Variants in STK32A observed in about 807,000 individuals in gnomAD.
The protein encoded by STK32A is serine/threonine-protein kinase 32A.
In STK32A, 41 loss-of-function variants were observed where a neutral mutation model predicts 53.2. That is an observed-to-expected ratio of 0.77 (90% confidence interval 0.60 to 1.00). The LOEUF (loss-of-function observed/expected upper bound fraction) is 1.00, where lower values mean the gene tolerates loss of function less well. STK32A is among the 50% of genes least tolerant of loss of function. The pLI is 0.00. For missense variants in STK32A, 458 were observed against 485.8 expected, an observed-to-expected ratio of 0.94 and a Z score of 0.54; for synonymous variants, 166 against 162.8, an observed-to-expected ratio of 1.02 and a Z score of -0.15.
At position 147,323,981 on chromosome 5, in the gene STK32A, A is replaced by G; in HGVS notation, c.344A>G (p.Asn115Ser). ...GGDLRYHLQQNVHFKEETVKL... is the reference protein window; with the variant it reads ...GGDLRYHLQQSVHFKEETVKL... ...GACCTGCGTTATCACCTGCAACAGA[A>G]CGTCCACTTCAAGGAAGAAACAGTG... The change falls in exon 5 of 13, where the codon AAC (asparagine) becomes AGC (serine). Residue 115 changes from asparagine to serine, a missense_variant. Transcript: ENST00000397936. The G allele has an allele frequency of 1.2e-6, 2 of 1,613,044 alleles. No homozygotes were observed. The highest frequency in any genetic ancestry group is 1.7e-6 in the Non-Finnish European group (2 of 1,179,580).
intron 5 of STK32A, 71 bp downstream of exon 5, chr5:147,324,142 A>T: frequency 7.2e-7 from 1 of 1,384,824 alleles, no homozygotes; most frequent in South Asian, 1.4e-5. Context: ...TACCTTCAAT[A>T]AATTCTTATT....
intron 8 of STK32A, among the ~76,000 whole-genome samples, chr5:147,367,481 G>C (rs1302314583): frequency 1.3e-5 from 2 of 152,136 alleles, no homozygotes; most frequent in Non-Finnish European, 2.9e-5. Context: ...CTGGGTTTCA[G>C]GTGGGCTGAG....
intron 4 of STK32A, among the ~76,000 whole-genome samples, chr5:147,301,338 T>C (rs774741838): frequency 5.9e-5 from 9 of 152,052 alleles, no homozygotes; most frequent in African/African-American, 2.2e-4. Flanking sequence ...CCATGAAAGG[T>C]AGCTTTTCAG....
chr5:147,361,697 C>A, intron 8 of STK32A, 83 bp downstream of exon 8: 3 of 1,032,280 alleles, frequency 2.9e-6, no homozygotes, highest in Non-Finnish European at 4.4e-6. Flanking sequence ...TGCTAAGATC[C>A]AAGCAGTTCA....
downstream of STK32A, among the ~76,000 whole-genome samples, chr5:147,388,126 A>G (rs1757719957): frequency 1.3e-5 from 2 of 152,312 alleles, no homozygotes; most frequent in South Asian, 4.1e-4. Flanking sequence ...CCAGAATTCC[A>G]GTTTCTGCCT....
At chr5:147,360,450 C>CAAAAAAAAAAAAAAAAAAAAAAAAAA (rs56690647) in intron 7 of STK32A, among the ~76,000 whole-genome samples, 2 of 81,188 alleles carry the variant, frequency 2.5e-5, no homozygotes, top group Non-Finnish European at 2.5e-5. Flanking sequence ...GATTCTGTCT[C>CAAAAAAAAAAAAAAAAAAAAAAAAAA]AAAAAAAAAA....
At chr5:147,260,193 C>G (rs1393728092) in intron 2 of STK32A, among the ~76,000 whole-genome samples, 16 of 66,904 alleles carry the variant, frequency 2.4e-4, no homozygotes, top group African/African-American at 1.1e-3. Flanking sequence ...TCTCTCTCCT[C>G]TCTCTCTCCT....
intron 4 of STK32A, among the ~76,000 whole-genome samples, chr5:147,315,341 T>C (rs1417118279): frequency 6.6e-6 from 1 of 152,196 alleles, no homozygotes; most frequent in East Asian, 1.9e-4. Context: ...CATCAACAGA[T>C]GAATGGATAA....
chr5:147,375,466 C>A (rs1002420659), intron 11 of STK32A: 3 of 351,548 alleles, frequency 8.5e-6, no homozygotes, highest in Non-Finnish European at 1.5e-5. Context: ...TTTCTCTCTT[C>A]CAGTTCTCAA....
intron 5 of STK32A, among the ~76,000 whole-genome samples, chr5:147,328,297 G>A (rs1250005977): frequency 1.3e-5 from 2 of 152,036 alleles, no homozygotes; most frequent in African/African-American, 2.4e-5. Flanking sequence ...GTGTAGTGAT[G>A]TTTTAAAAAA....
chr5:147,235,677 A>T (rs887614457), intron 1 of STK32A, among the ~76,000 whole-genome samples: 1 of 152,236 alleles, frequency 6.6e-6, no homozygotes, highest in Non-Finnish European at 1.5e-5. Flanking sequence ...ACACAGCAAG[A>T]TGCAAAATAT....
At chr5:147,380,229 T>C (rs1296425941) in intron 11 of STK32A, among the ~76,000 whole-genome samples, 2 of 152,144 alleles carry the variant, frequency 1.3e-5, no homozygotes, top group African/African-American at 4.8e-5. Context: ...CCAAAGAGCT[T>C]TTATCAGATT....
chr5:147,323,778 C>T, intron 4 of STK32A, 120 bp from the exon 5 acceptor site: 1 of 826,750 alleles, frequency 1.2e-6, no homozygotes, highest in Non-Finnish European at 1.8e-6. Context: ...CCACCTACTC[C>T]CAAAGTCTGA....
intron 1 of STK32A, among the ~76,000 whole-genome samples, chr5:147,235,615 T>A (rs1030034575): frequency 4.6e-5 from 7 of 152,240 alleles, no homozygotes; most frequent in African/African-American, 1.7e-4. Flanking sequence ...AAATCAGAGC[T>A]GTAGGGATCA....
chr5:147,331,419 T>G (rs1018944270), intron 5 of STK32A, among the ~76,000 whole-genome samples: 17 of 152,168 alleles, frequency 1.1e-4, no homozygotes, highest in Admixed American at 7.9e-4. Flanking sequence ...AATTACCTTC[T>G]TCAAAGGCCC....
intron 9 of STK32A, among the ~76,000 whole-genome samples, chr5:147,371,518 G>C (rs1246874598): frequency 6.6e-6 from 1 of 152,014 alleles, no homozygotes; most frequent in Non-Finnish European, 1.5e-5. Context: ...ACCTATTCCT[G>C]GAACAGTGCC....
At chr5:147,305,744 A>AAAT (rs1384284392) in intron 4 of STK32A, among the ~76,000 whole-genome samples, 1 of 151,942 alleles carries the variant, frequency 6.6e-6, no homozygotes, top group Non-Finnish European at 1.5e-5. Flanking sequence ...TCCATTGTAT[A>AAAT]AATACTCCAT....
intron 4 of STK32A, among the ~76,000 whole-genome samples, chr5:147,307,347 A>T (rs1225307478): frequency 1.3e-5 from 2 of 151,866 alleles, no homozygotes; most frequent in Non-Finnish European, 2.9e-5. Context: ...CTGGCTGGGG[A>T]CAGTGACTCA....
intron 4 of STK32A, among the ~76,000 whole-genome samples, chr5:147,319,470 TG>T (rs1366047799): frequency 3.3e-5 from 5 of 152,122 alleles, no homozygotes; most frequent in Non-Finnish European, 7.4e-5. Context: ...TATAGACTTT[TG>T]AAATCTGCCT....
Sources: gnomAD v4.1 joint callset for allele counts (sites outside exome capture counted in the v4.1 genomes callset) on GRCh38, gnomAD v4.1.1 for gene constraint, MANE v1.5 for transcripts, NCBI Gene and HGNC (gene_info 2026-07-23, HGNC 2026-07-21) for gene names.